PDE9A: variants seen among roughly 807,000 people sequenced by gnomAD.
The protein encoded by PDE9A is phosphodiesterase 9A.
Under a neutral mutation model 87.4 loss-of-function variants are expected in PDE9A, and 60 were observed. The observed-to-expected ratio is 0.69, with a 90% CI of 0.56 to 0.85. The LOEUF is 0.85. PDE9A is among the 40% of genes least tolerant of loss of function. The probability of loss-of-function intolerance (pLI) is 0.00; values close to 1 mark genes in which losing one functional copy is unlikely to be tolerated. For missense variants in PDE9A, 665 were observed against 779.0 expected (o/e 0.85, Z 1.74); for synonymous variants, 272 against 279.4 (o/e 0.97, Z 0.27).
chr21:42,654,047 C>G (rs1436171283), intron 1 of PDE9A, among the ~76,000 whole-genome samples, 164 bp downstream of exon 1: 6 of 100,456 alleles, frequency 6.0e-5, no homozygotes, highest in Non-Finnish European at 1.1e-4. Context: ...GCCGGCTCCC[C>G]GGGGAAAGGG....
Position 42,752,623 on chromosome 21 carries a change from G to A in PDE9A, c.736-1367G>A, listed in dbSNP as rs564099481. On this transcript the variant is annotated intron_variant, in intron 9 of 19. Coordinates refer to ENST00000291539, the MANE Select transcript of PDE9A (RefSeq NM_002606.3). ...TTTTCCATTGGAAAATATGCCCCGC[G>A]CTTCTCAGGATCCTGTCCCAGGGAG... 2.0e-5 allele frequency among the ~76,000 whole-genome samples: 3 copies of A among 152,272 alleles called. No individual in the cohort carries two copies. In the South Asian group the frequency reaches 6.2e-4, roughly 32 times the overall value.
In PDE9A at chr21:42,765,569, T is replaced by C. The variant is rs958804863; in HGVS notation, c.1356+75T>C. On this transcript the variant is annotated intron_variant, in intron 15 of 19. Coordinates refer to ENST00000291539, the MANE Select transcript of PDE9A (RefSeq NM_002606.3). ...AGCAGGTCATCCATCCAGCTCACACTGGAAGCCAAGAAGCTGAAATTATTA... is the reference window on the plus strand; with the variant it reads ...AGCAGGTCATCCATCCAGCTCACACCGGAAGCCAAGAAGCTGAAATTATTA... 3 of 798,774 alleles carry C rather than the reference T, an allele frequency of 3.8e-6. No homozygotes were observed. In the African/African-American group the frequency reaches 5.1e-5, roughly 14 times the overall value. 49.5% of individuals were successfully genotyped at this position (798,774 alleles called of 1,614,324 possible).
chr21:42,672,265 C>CT (rs768835319), intron 1 of PDE9A, among the ~76,000 whole-genome samples: 1 of 152,234 alleles, frequency 6.6e-6, no homozygotes, highest in Non-Finnish European at 1.5e-5. Flanking sequence ...GCACGCACCC[C>CT]TGGAGCTGAG....
At position 42,715,156 on chromosome 21, in the gene PDE9A, G is replaced by A. The variant is rs558811711; in HGVS notation, c.262+16145G>A. On this transcript the variant is annotated intron_variant, in intron 4 of 19. Coordinates refer to ENST00000291539, the MANE Select transcript of PDE9A (RefSeq NM_002606.3). ...GTCTCTTTTTGCATTATTTTTCCTCGGCTGTTGTAAGTGTTACAATATGCA... is the reference window on the plus strand; with the variant it reads ...GTCTCTTTTTGCATTATTTTTCCTCAGCTGTTGTAAGTGTTACAATATGCA... Among the ~76,000 whole-genome samples the A allele has an allele frequency of 8.9e-5, 13 of 146,072 alleles. No individual in the cohort carries two copies. In the South Asian group the frequency reaches 1.6e-3, roughly 17 times the overall value.
chr21:42,763,647 A>C (rs1378698529), intron 14 of PDE9A, among the ~76,000 whole-genome samples: 1 of 152,164 alleles, frequency 6.6e-6, no homozygotes, highest in Non-Finnish European at 1.5e-5. Context: ...TGGCGGCCCC[A>C]GGACACTCAC....
chr21:42,768,708 C>T, intron 16 of PDE9A: 2 of 985,436 alleles, frequency 2.0e-6, no homozygotes, highest in Non-Finnish European at 2.4e-6. Flanking sequence ...AAACAACCAC[C>T]AAATATTAAT....
At chr21:42,679,655 C>T (rs1447824969) in intron 1 of PDE9A, among the ~76,000 whole-genome samples, 3 of 152,126 alleles carry the variant, frequency 2.0e-5, no homozygotes, top group Admixed American at 1.3e-4. Flanking sequence ...CACAACCTCC[C>T]GATAAGCCTT....
intron 3 of PDE9A, among the ~76,000 whole-genome samples, chr21:42,693,588 CT>C (rs371936659): frequency 0.015 from 1,888 of 124,362 alleles, 31 homozygotes; most frequent in African/African-American, 0.045. Context: ...CCGCGTCCTA[CT>C]TTTTTTTTTT....
chr21:42,754,451 G>A (rs536565983), intron 10 of PDE9A, among the ~76,000 whole-genome samples: 3 of 152,364 alleles, frequency 2.0e-5, no homozygotes, highest in East Asian at 1.9e-4. Context: ...GGAAGGGGCT[G>A]CGGTCAGAGT....
intron 4 of PDE9A, among the ~76,000 whole-genome samples, chr21:42,725,856 C>T (rs1416897007): frequency 6.6e-6 from 1 of 152,216 alleles, no homozygotes; most frequent in Non-Finnish European, 1.5e-5. Context: ...CATCTCTCTG[C>T]CCTGGTGCTT....
intron 14 of PDE9A, among the ~76,000 whole-genome samples, 197 bp from the exon 15 acceptor site, chr21:42,765,184 G>A (rs1018577589): frequency 6.6e-6 from 1 of 152,202 alleles, no homozygotes; most frequent in African/African-American, 2.4e-5. Context: ...ATGAATGGGT[G>A]GATGGATGGA....
rs192466408 is a variant in PDE9A, at chr21:42,715,833, A to G, written c.263-15937A>G. 1.7e-3 allele frequency among the ~76,000 whole-genome samples: 251 copies of G among 151,534 alleles called. 7 individuals carry two copies. Among genetic ancestry groups the G allele is most frequent in the African/African-American group, 5.5e-3 (229 of 41,418 alleles). On this transcript the variant is annotated intron_variant, in intron 4 of 19. Coordinates refer to ENST00000291539, the MANE Select transcript of PDE9A (RefSeq NM_002606.3). ...CTGTACATTCCCTGGGTTTGGACAA[A>G]TATATGATGACCTGTGTGTCCCATC... is the stretch of plus-strand genomic sequence containing the variant.
At chr21:42,699,450 C>T (rs369213980) in intron 4 of PDE9A, among the ~76,000 whole-genome samples, 2 of 152,272 alleles carry the variant, frequency 1.3e-5, no homozygotes, top group Admixed American at 6.5e-5. Context: ...CTGTCCTCCC[C>T]GCTCCACTGT....
chr21:42,750,807 G>C (rs564517339), intron 8 of PDE9A, among the ~76,000 whole-genome samples: 1 of 151,602 alleles, frequency 6.6e-6, no homozygotes, highest in East Asian at 1.9e-4. Flanking sequence ...GGATGGTCTC[G>C]ATCTCCTGAC....
At chr21:42,764,193 C>T (rs532645697) in intron 14 of PDE9A, among the ~76,000 whole-genome samples, 24 of 152,346 alleles carry the variant, frequency 1.6e-4, no homozygotes, top group Non-Finnish European at 2.6e-4. Flanking sequence ...ACGGCGGCAG[C>T]GCTCTCGGGC....
At chr21:42,731,715 A>G in intron 4 of PDE9A, 55 bp from the exon 5 acceptor site, 1 of 1,538,370 alleles carries the variant, frequency 6.5e-7, no homozygotes, top group Non-Finnish European at 8.8e-7. Flanking sequence ...ATAGACCTGG[A>G]CACTAAGAGG....
At position 42,692,522 on chromosome 21, in the gene PDE9A, C is replaced by G. The variant is rs987280286; in HGVS notation, c.218+4528C>G. Among the ~76,000 whole-genome samples the G allele has an allele frequency of 5.3e-5, 8 of 152,156 alleles. No homozygotes were observed. Among genetic ancestry groups the G allele is most frequent in the African/African-American group, 1.9e-4 (8 of 41,442 alleles). ...CCTAGTAGTTCTCAGACAACTGCGT[C>G]AGAATCCGCAGGGGGCTTGGTGGAG... On this transcript the variant is annotated intron_variant, in intron 3 of 19. Coordinates refer to ENST00000291539, the MANE Select transcript of PDE9A (RefSeq NM_002606.3). This position sits in a 1 kb window ranked among gnomAD's most constrained non-coding sequence, Gnocchi z 4.3.
At chr21:42,726,622 A>ATTTTTTTTTTTTTTTTTTTT (rs1445924271) in intron 4 of PDE9A, among the ~76,000 whole-genome samples, 2 of 25,222 alleles carry the variant, frequency 7.9e-5, no homozygotes, top group African/African-American at 5.0e-4. Context: ...ATATATATAT[A>ATTTTTTTTTTTTTTTTTTTT]TATTTTTTTT....
intron 1 of PDE9A, among the ~76,000 whole-genome samples, chr21:42,682,126 A>G (rs971398113): frequency 7.2e-5 from 11 of 152,282 alleles, no homozygotes; most frequent in African/African-American, 2.7e-4. Flanking sequence ...AGCTGAAGTC[A>G]TGACTCTCAT....
Sources: allele counts gnomAD v4.1 joint callset (sites outside exome capture counted in the v4.1 genomes callset), GRCh38; gene constraint gnomAD v4.1.1; non-coding constraint Gnocchi (gnomAD v3.1); transcripts MANE v1.5; gene names NCBI Gene and HGNC (gene_info 2026-07-23, HGNC 2026-07-21).